STXBP3: variants seen among roughly 807,000 people sequenced by gnomAD.
STXBP3 encodes the protein syntaxin-binding protein 3.
A neutral mutation model predicts 85.7 loss-of-function variants in STXBP3; 41 were observed. The ratio of observed to expected loss-of-function variants is 0.48; its 90% CI spans 0.37 to 0.62. The LOEUF (loss-of-function observed/expected upper bound fraction) is 0.62, where lower values mean the gene tolerates loss of function less well. STXBP3 is among the 20% of genes least tolerant of loss of function. STXBP3 has a pLI of 0.00. For missense variants in STXBP3, 563 were observed against 703.1 expected (o/e 0.80, Z 2.25); for synonymous variants, 229 against 231.7 (o/e 0.99, Z 0.10).
chr1:108,776,897 A>G (rs1662605807), intron 8 of STXBP3, among the ~76,000 whole-genome samples: 1 of 152,190 alleles, frequency 6.6e-6, no homozygotes, highest in Admixed American at 6.5e-5. Context: ...CCATCTGTGA[A>G]ATAGATGAAA....
At position 108,794,915 on chromosome 1, in the gene STXBP3, C is replaced by A; in HGVS notation, c.1110+8C>A. ...CTCTGCAAAACTGAACAGGTATGTG[C>A]AGAGTCAGAAATGCCTCTGTTCATA... On this transcript the variant is annotated splice_region_variant and intron_variant, in intron 13 of 18. Coordinates refer to ENST00000370008, the MANE Select transcript of STXBP3 (RefSeq NM_007269.4). The A allele has an allele frequency of 6.3e-7, 1 of 1,595,656 alleles. No individual in the cohort carries two copies. Among genetic ancestry groups the A allele is most frequent in the Non-Finnish European group, 8.6e-7 (1 of 1,169,380 alleles).
chr1:108,783,840 A>G (rs1662773497), intron 11 of STXBP3, among the ~76,000 whole-genome samples: 1 of 152,064 alleles, frequency 6.6e-6, no homozygotes, highest in Non-Finnish European at 1.5e-5. Context: ...TCTTGTCTTT[A>G]TTTTCAATTA....
intron 11 of STXBP3, among the ~76,000 whole-genome samples, chr1:108,787,261 C>T (rs1570767147): frequency 6.6e-6 from 1 of 152,232 alleles, no homozygotes; most frequent in Non-Finnish European, 1.5e-5. Flanking sequence ...GGTACCAGTG[C>T]ACCTAGCTGG....
At chr1:108,748,144 A>G (rs1299587895) in intron 1 of STXBP3, among the ~76,000 whole-genome samples, 1 of 152,040 alleles carries the variant, frequency 6.6e-6, no homozygotes, top group Non-Finnish European at 1.5e-5. Flanking sequence ...CATTGACTCA[A>G]CATTTTTCAT....
At chr1:108,807,743 A>G (rs1219895688) in intron 18 of STXBP3, among the ~76,000 whole-genome samples, 194 bp downstream of exon 18, 1 of 151,838 alleles carries the variant, frequency 6.6e-6, no homozygotes, top group Non-Finnish European at 1.5e-5. Context: ...CGCCTGGCTA[A>G]TTTTTGTATT....
chr1:108,779,633 G>T (rs1662672637), intron 9 of STXBP3: 6 of 365,996 alleles, frequency 1.6e-5, no homozygotes, highest in Non-Finnish European at 2.3e-5. Flanking sequence ...TGGTGTGTTT[G>T]CTTCCTTAAC....
intron 6 of STXBP3, among the ~76,000 whole-genome samples, chr1:108,762,576 A>G (rs1662162773): frequency 1.3e-5 from 2 of 152,130 alleles, no homozygotes; most frequent in Admixed American, 6.5e-5. Flanking sequence ...CTTCTGTAAC[A>G]TTCCACTCAG....
intron 11 of STXBP3, 108 bp from the exon 12 acceptor site, chr1:108,793,474 C>A: frequency 1.1e-6 from 1 of 948,366 alleles, no homozygotes; most frequent in Non-Finnish European, 1.5e-6. Context: ...GTCAAATATT[C>A]AGTAAATTAA....
At chr1:108,804,530 A>G (rs1663289954) in intron 17 of STXBP3, among the ~76,000 whole-genome samples, 1 of 152,202 alleles carries the variant, frequency 6.6e-6, no homozygotes, top group African/African-American at 2.4e-5. Context: ...TTATTTCTGC[A>G]GACTCATAGT....
rs745652259 is a variant in STXBP3, at chr1:108,793,157, A to ATTT, written c.964-401_964-399dup. Among the ~76,000 whole-genome samples the ATTT allele has an allele frequency of 7.9e-4, 53 of 67,508 alleles. 3 individuals carry two copies. Among genetic ancestry groups the ATTT allele is most frequent in the Non-Finnish European group, 9.9e-4 (37 of 37,248 alleles). The allele number at this position is 67,508 out of a possible 152,430, so 44.3% of individuals were successfully genotyped here. Reference sequence around the variant, plus strand: ...CTCACAGCCCCAAGCTCTTATCTCCATTTTTTTTTTTTTTTTTTTTTTTTT... The same window carrying ATTT: ...CTCACAGCCCCAAGCTCTTATCTCCATTTTTTTTTTTTTTTTTTTTTTTTTTTT... On this transcript the variant is annotated intron_variant, in intron 11 of 18. Transcript: ENST00000370008.
At chr1:108,805,645 G>A (rs1403790526) in intron 17 of STXBP3, among the ~76,000 whole-genome samples, 2 of 152,122 alleles carry the variant, frequency 1.3e-5, no homozygotes, top group African/African-American at 2.4e-5. Context: ...GAATGGTCTC[G>A]ATCTCTTGAC....
At chr1:108,798,326 G>T in intron 16 of STXBP3, 89 bp downstream of exon 16, 2 of 910,454 alleles carry the variant, frequency 2.2e-6, no homozygotes, top group Non-Finnish European at 3.2e-6. Flanking sequence ...CTGAGTATAT[G>T]TATTGGGCAG....
chr1:108,771,135 G>C (rs1431840075), intron 6 of STXBP3, among the ~76,000 whole-genome samples: 1 of 151,476 alleles, frequency 6.6e-6, no homozygotes, highest in African/African-American at 2.4e-5. Flanking sequence ...TTCATCTGTT[G>C]CACTGGTAGT....
Position 108,756,691 on chromosome 1 carries a change from T to G in STXBP3, c.183T>G (p.Val61=). The part of the protein sequence containing the change: ...MTDLLEEGIT[V]VENIYKNREP... ...TAAAATGACCTTTTTTCTTGTTAGT[T>G]GTAGAGAATATTTATAAGAACCGTG... The change falls in exon 4 of 19, where the codon GTT becomes GTG. Residue 61 remains valine (V), a splice_region_variant and synonymous_variant. Transcript: ENST00000370008. 6.4e-7 allele frequency: 1 copy of G among 1,557,586 alleles called. No individual in the cohort carries two copies. The highest frequency in any genetic ancestry group is 1.3e-5 in the South Asian group (1 of 79,490).
intron 1 of STXBP3, among the ~76,000 whole-genome samples, chr1:108,749,973 T>C (rs1278751923): frequency 6.6e-6 from 1 of 152,222 alleles, no homozygotes; most frequent in African/African-American, 2.4e-5. Flanking sequence ...AAGTCTCATA[T>C]GTATTCTGTA....
intron 11 of STXBP3, among the ~76,000 whole-genome samples, chr1:108,793,019 G>T (rs1012141111): frequency 6.6e-6 from 1 of 152,016 alleles, no homozygotes; most frequent in African/African-American, 2.4e-5. Context: ...ACCTTTGAGG[G>T]TTATGCCCTG....
At chr1:108,766,881 G>A in intron 6 of STXBP3, 1 of 496,458 alleles carries the variant, frequency 2.0e-6, no homozygotes, top group Non-Finnish European at 4.0e-6. Flanking sequence ...CTTTGTAAGA[G>A]AGCAGGTAAC....
chr1:108,770,435 A>G (rs1223020954), intron 6 of STXBP3, among the ~76,000 whole-genome samples: 2 of 152,162 alleles, frequency 1.3e-5, no homozygotes, highest in African/African-American at 2.4e-5. Context: ...ATATTATACT[A>G]TGAGGAAGCC....
intron 6 of STXBP3, among the ~76,000 whole-genome samples, chr1:108,764,951 C>T (rs1435511606): frequency 6.6e-6 from 1 of 152,142 alleles, no homozygotes; most frequent in Non-Finnish European, 1.5e-5. Context: ...GAAATCTTTG[C>T]CAGTTCCTAC....
Sources: gnomAD v4.1 joint callset for allele counts (sites outside exome capture counted in the v4.1 genomes callset) on GRCh38, gnomAD v4.1.1 for gene constraint, MANE v1.5 for transcripts, NCBI Gene and HGNC (gene_info 2026-07-23, HGNC 2026-07-21) for gene names.